Variants in SLC35F3 observed in about 807,000 individuals in gnomAD.
SLC35F3 encodes the protein solute carrier family 35 member F3.
Under a neutral mutation model 49.9 loss-of-function variants are expected in SLC35F3, and 25 were observed. The ratio of observed to expected loss-of-function variants is 0.50; its 90% CI spans 0.37 to 0.70. The LOEUF (loss-of-function observed/expected upper bound fraction) is 0.70. Among genes scored for constraint, SLC35F3 ranks in the 30% least tolerant of loss-of-function variants. The pLI is 0.00. For missense variants in SLC35F3, 525 were observed against 639.8 expected, an observed-to-expected ratio of 0.82 and a Z score of 1.94; for synonymous variants, 275 against 265.4, an observed-to-expected ratio of 1.04 and a Z score of -0.35.
intron 3 of SLC35F3, among the ~76,000 whole-genome samples, chr1:234,297,979 C>T (rs1410185247): frequency 6.6e-6 from 1 of 152,014 alleles, no homozygotes; most frequent in Non-Finnish European, 1.5e-5. Flanking sequence ...GTTCTTAACA[C>T]ACACACAAAA....
At chr1:234,015,325 G>A (rs1328863483) in intron 2 of SLC35F3, among the ~76,000 whole-genome samples, 1 of 148,468 alleles carries the variant, frequency 6.7e-6, no homozygotes, top group Admixed American at 6.7e-5. Context: ...TCTAGCCTGG[G>A]CGACAGAGCA....
chr1:234,257,393 G>A (rs1667837207), intron 3 of SLC35F3, among the ~76,000 whole-genome samples: 1 of 151,960 alleles, frequency 6.6e-6, no homozygotes, highest in Non-Finnish European at 1.5e-5. Flanking sequence ...TGGTTTTTTT[G>A]TATGATTTGA....
intron 2 of SLC35F3, among the ~76,000 whole-genome samples, chr1:233,910,761 T>C (rs1227346345): frequency 6.6e-6 from 1 of 152,252 alleles, no homozygotes; most frequent in Non-Finnish European, 1.5e-5. Context: ...AATTATCATT[T>C]GAGTAGGTTT....
Position 234,309,369 on chromosome 1 carries a change from A to C in SLC35F3, c.828+49A>C, listed in dbSNP as rs1657293717. The C allele has an allele frequency of 3.2e-6, 5 of 1,543,128 alleles. No individual in the cohort carries two copies. The East Asian group carries it at 1.1e-4, about 35-fold the overall frequency. Reference sequence around the variant, plus strand: ...CCTCCCTCACTCAGTCATGTCAACCAAAACCTGCCCATCGGCTTGCTTAGC... The same window carrying C: ...CCTCCCTCACTCAGTCATGTCAACCCAAACCTGCCCATCGGCTTGCTTAGC... On this transcript the variant is annotated intron_variant, in intron 4 of 7. Transcript: ENST00000366618.
At chr1:234,162,273 T>C (rs80221119) in intron 2 of SLC35F3, among the ~76,000 whole-genome samples, 2 of 148,346 alleles carry the variant, frequency 1.3e-5, no homozygotes, top group East Asian at 4.0e-4. Flanking sequence ...TCCTCCCTCT[T>C]GGAGAAGCTC....
intron 2 of SLC35F3, among the ~76,000 whole-genome samples, chr1:234,184,149 A>C (rs1666600589): frequency 6.6e-6 from 1 of 152,134 alleles, no homozygotes; most frequent in South Asian, 2.1e-4. Context: ...AAAAAAAAAA[A>C]ACAAAAAACC....
intron 2 of SLC35F3, among the ~76,000 whole-genome samples, chr1:233,921,357 A>C (rs1402691259): frequency 1.3e-5 from 2 of 152,114 alleles, no homozygotes; most frequent in Admixed American, 1.3e-4. Context: ...AGACGGGTCC[A>C]TTTGTTACGA....
chr1:234,026,215 T>C (rs1663976549), intron 2 of SLC35F3, among the ~76,000 whole-genome samples: 1 of 152,182 alleles, frequency 6.6e-6, no homozygotes, highest in Non-Finnish European at 1.5e-5. Context: ...TAGTATAGTT[T>C]TAAGTAGGGT....
intron 2 of SLC35F3, among the ~76,000 whole-genome samples, chr1:234,222,421 A>C (rs777549955): frequency 6.6e-6 from 1 of 152,216 alleles, no homozygotes; most frequent in Non-Finnish European, 1.5e-5. Context: ...GACTCTGCTG[A>C]GAACTGGAGT....
chr1:234,257,024 T>G (rs1371870278), intron 3 of SLC35F3, among the ~76,000 whole-genome samples: 1 of 152,244 alleles, frequency 6.6e-6, no homozygotes, highest in Non-Finnish European at 1.5e-5. Flanking sequence ...GTAATAAAAA[T>G]TTATCAAAAC....
At chr1:234,019,576 A>G (rs1368321552) in intron 2 of SLC35F3, among the ~76,000 whole-genome samples, 2 of 152,110 alleles carry the variant, frequency 1.3e-5, no homozygotes, top group Non-Finnish European at 2.9e-5. Flanking sequence ...CCTTCAACTG[A>G]TTAGATGAGG....
intron 2 of SLC35F3, among the ~76,000 whole-genome samples, chr1:233,991,096 A>T (rs1364636722): frequency 6.6e-6 from 1 of 152,232 alleles, no homozygotes; most frequent in African/African-American, 2.4e-5. Context: ...CCTGCTTTCC[A>T]TCGCTGCAGT....
At chr1:234,201,832 G>T (rs10910380) in intron 2 of SLC35F3, among the ~76,000 whole-genome samples, 42,732 of 150,652 alleles carry the variant, frequency 0.28, 7,579 homozygotes, top group Non-Finnish European at 0.4. Flanking sequence ...TAAAGAAGGG[G>T]TTAACAGGAG....
chr1:233,975,519 C>G (rs1235799509), intron 2 of SLC35F3, among the ~76,000 whole-genome samples: 1 of 152,244 alleles, frequency 6.6e-6, no homozygotes, highest in Admixed American at 6.5e-5. Context: ...TGCTCTTTCC[C>G]CATTTGACAA....
chr1:233,963,621 T>C (rs1662845421), intron 2 of SLC35F3, among the ~76,000 whole-genome samples: 1 of 152,064 alleles, frequency 6.6e-6, no homozygotes, highest in African/African-American at 2.4e-5. Context: ...ATAGCTTTCT[T>C]TAGTGTTTGG....
At chr1:233,954,422 G>A (rs1252881794) in intron 2 of SLC35F3, among the ~76,000 whole-genome samples, 2 of 152,194 alleles carry the variant, frequency 1.3e-5, no homozygotes, top group African/African-American at 4.8e-5. Flanking sequence ...TTAGGCCAGG[G>A]AAAGAGAATA....
Position 234,030,987 on chromosome 1 carries a change from AG to A in SLC35F3, c.283+125232del, listed in dbSNP as rs1385760658. ...TACATGGAGGGAAATGGATTAAATC[AG>A]GGTTGTTGCTTTCTCAGCCTGTTAC... On this transcript the variant is annotated intron_variant, in intron 2 of 7. Transcript: ENST00000366618. Among the ~76,000 whole-genome samples the A allele has an allele frequency of 2.0e-5, 3 of 152,342 alleles. No homozygotes were observed. In the East Asian group the frequency reaches 5.8e-4, roughly 29 times the overall value.
At chr1:234,055,027 C>T (rs1004173035) in intron 2 of SLC35F3, among the ~76,000 whole-genome samples, 7 of 152,126 alleles carry the variant, frequency 4.6e-5, no homozygotes, top group East Asian at 1.9e-4. Context: ...GAGGGGCACT[C>T]GGCCGTATGA....
intron 2 of SLC35F3, among the ~76,000 whole-genome samples, chr1:234,178,815 A>C (rs977458840): frequency 6.6e-6 from 1 of 152,228 alleles, no homozygotes. Context: ...ATTATGGTTC[A>C]GTCTTGATGT....
Sources: gnomAD v4.1 joint callset for allele counts (sites outside exome capture counted in the v4.1 genomes callset) on GRCh38, gnomAD v4.1.1 for gene constraint, MANE v1.5 for transcripts, NCBI Gene and HGNC (gene_info 2026-07-23, HGNC 2026-07-21) for gene names.